GALNT8: variants seen among roughly 807,000 people sequenced by gnomAD.
GALNT8 encodes probable polypeptide N-acetylgalactosaminyltransferase 8.
In GALNT8, 66 loss-of-function variants were observed where a neutral mutation model predicts 62.7. That is an observed-to-expected ratio of 1.05 (90% CI 0.86 to 1.29). The LOEUF is 1.29. Ranked by LOEUF, GALNT8 falls within the 50% of genes most tolerant of loss-of-function variation. GALNT8 has a pLI of 0.00. For synonymous variants in GALNT8, 288 were observed against 294.3 expected (o/e 0.98, Z 0.22); for missense variants, 771 against 791.8 (o/e 0.97, Z 0.32).
Position 4,744,453 on chromosome 12 carries a change from A to G in GALNT8, c.677-64A>G, listed in dbSNP as rs1591568824. 3.4e-6 allele frequency: 4 copies of G among 1,179,812 alleles called. No homozygotes were observed. In the East Asian group the frequency reaches 7.1e-5, roughly 21 times the overall value. 73.1% of individuals were successfully genotyped at this position (1,179,812 alleles called of 1,614,324 possible). A position where few individuals can be genotyped will look rare whatever the true frequency, so the allele number is the denominator to read the frequency against. The stretch of plus-strand genomic sequence containing the variant: ...TCCAGCCACTAATATATGATAGTAT[A>G]AAACTTTTGTATCACGTTGATTGTT... On this transcript the variant is annotated intron_variant, in intron 3 of 10. Transcript: ENST00000252318.
chr12:4,725,331 G>C (rs1039336468), intron 1 of GALNT8, among the ~76,000 whole-genome samples: 1 of 152,174 alleles, frequency 6.6e-6, no homozygotes, highest in Non-Finnish European at 1.5e-5. Context: ...TGACGTCATG[G>C]ATCCTGGAGG....
At chr12:4,736,333 TC>T (rs1279335221) in intron 2 of GALNT8, among the ~76,000 whole-genome samples, 10 of 152,072 alleles carry the variant, frequency 6.6e-5, no homozygotes, top group African/African-American at 2.4e-4. Context: ...ATCATGCACA[TC>T]CCTGGTAATC....
intron 1 of GALNT8, among the ~76,000 whole-genome samples, chr12:4,723,267 G>A (rs1417934144): frequency 1.3e-5 from 2 of 152,156 alleles, no homozygotes; most frequent in East Asian, 1.9e-4. Flanking sequence ...AGAGTGATAC[G>A]GGGCAAGAGA....
Position 4,745,579 on chromosome 12 carries a change from A to G in GALNT8, c.1011A>G (p.Ala337=), listed in dbSNP as rs750840473. Reference sequence around the variant, plus strand: ...GGGAACTCTGGTGCCGCTACGATGCACTGCCACAAGCCTGGATTGATCTGC... The same window carrying G: ...GGGAACTCTGGTGCCGCTACGATGCGCTGCCACAAGCCTGGATTGATCTGC... ...FNWELWCRYD[A]LPQAWIDLHD... The change falls in exon 5 of 11, where the codon GCA becomes GCG. Residue 337 remains alanine (A), a synonymous_variant. Transcript: ENST00000252318. The G allele has an allele frequency of 1.2e-6, 2 of 1,614,124 alleles. No homozygotes were observed. Among genetic ancestry groups the G allele is most frequent in the South Asian group, 1.1e-5 (1 of 91,088 alleles).
intron 10 of GALNT8, among the ~76,000 whole-genome samples, chr12:4,769,890 A>G (rs1004104991): frequency 1.3e-5 from 2 of 152,136 alleles, no homozygotes; most frequent in African/African-American, 2.4e-5. Context: ...AGTATTTTAT[A>G]TACTTTAAAA....
At chr12:4,721,342 G>C (rs979294527) in intron 1 of GALNT8, among the ~76,000 whole-genome samples, 19 of 152,064 alleles carry the variant, frequency 1.2e-4, no homozygotes, top group African/African-American at 4.6e-4. Context: ...AAATAAGGGG[G>C]CCCAGGGGAC....
At chr12:4,740,229 T>C (rs1255341363) in intron 3 of GALNT8, among the ~76,000 whole-genome samples, 4 of 152,188 alleles carry the variant, frequency 2.6e-5, no homozygotes, top group African/African-American at 7.2e-5. Flanking sequence ...AGTCCTCACT[T>C]TCTGAGTTCA....
At chr12:4,721,761 C>T (rs1028634097) in intron 1 of GALNT8, among the ~76,000 whole-genome samples, 7 of 152,144 alleles carry the variant, frequency 4.6e-5, no homozygotes, top group African/African-American at 1.7e-4. Flanking sequence ...TTTACTAATC[C>T]TCCTCAGCAC....
In GALNT8 at chr12:4,772,460, A is replaced by G. The variant is rs1393348248; in HGVS notation, c.1777A>G (p.Asn593Asp). 1.2e-6 allele frequency: 2 copies of G among 1,613,928 alleles called. No homozygotes were observed. The highest frequency in any genetic ancestry group is 1.1e-5 in the South Asian group (1 of 91,062). ...TCCCCTCCAGGGAGGAGCTGTCATA[A>G]ACAGAGATACCAAGCGGTGTCTGGA... ...WDFKPGGAVI[N>D]RDTKRCLEMK... Residue 593 changes from asparagine to aspartate, a missense_variant, in exon 11 of 11, where the codon AAC (asparagine) becomes GAC (aspartate). Asn to Asp is a conservative substitution (Grantham distance 23, BLOSUM62 1). Coordinates refer to ENST00000252318, the MANE Select transcript of GALNT8 (RefSeq NM_017417.2).
Position 4,720,869 on chromosome 12 carries a change from G to T in GALNT8, c.192G>T (p.Glu64Asp). The T allele has an allele frequency of 6.3e-7, 1 of 1,599,050 alleles. No homozygotes were observed. The highest frequency in any genetic ancestry group is 1.1e-5 in the South Asian group (1 of 90,806). Reference protein sequence around the residue: ...GAVIKRLSHLEVELQDLKESM... With the variant: ...GAVIKRLSHLDVELQDLKESM... ...TGATAAAGAGACTCTCCCACTTGGA[G>T]GTGGAATTGCAGGATCTGAGTAAGT... is the stretch of plus-strand genomic sequence containing the variant. Residue 64 changes from glutamate (E) to aspartate (D), a missense_variant, in exon 1 of 11, where the codon GAG (glutamate) becomes GAT (aspartate). Coordinates refer to ENST00000252318, the MANE Select transcript of GALNT8 (RefSeq NM_017417.2).
chr12:4,756,074 G>A (rs894434740), intron 6 of GALNT8, among the ~76,000 whole-genome samples: 3 of 152,220 alleles, frequency 2.0e-5, no homozygotes, highest in Non-Finnish European at 4.4e-5. Context: ...CCCTGAAATG[G>A]TGTGAAGAAT....
chr12:4,737,930 A>C (rs1946252957), intron 2 of GALNT8, among the ~76,000 whole-genome samples: 1 of 152,208 alleles, frequency 6.6e-6, no homozygotes, highest in African/African-American at 2.4e-5. Context: ...GGAGCCAATA[A>C]GTTTCTATTC....
At chr12:4,763,606 A>G (rs12423097) in intron 8 of GALNT8, among the ~76,000 whole-genome samples, 7,035 of 151,812 alleles carry the variant, frequency 0.046, 272 homozygotes, top group East Asian at 0.19. Flanking sequence ...CTTGAAAACT[A>G]TAGCTCTTGC....
At chr12:4,747,026 A>T (rs1946302962) in intron 6 of GALNT8, among the ~76,000 whole-genome samples, 1 of 152,186 alleles carries the variant, frequency 6.6e-6, no homozygotes, top group Non-Finnish European at 1.5e-5. Flanking sequence ...ACAGCTTCCC[A>T]TGCTTGTTTA....
intron 2 of GALNT8, among the ~76,000 whole-genome samples, chr12:4,728,822 CTGTTT>C (rs1292304806): frequency 1.3e-5 from 2 of 152,100 alleles, no homozygotes; most frequent in African/African-American, 2.4e-5. Flanking sequence ...TTTCTCAAGA[CTGTTT>C]TGTCTATTCT....
At chr12:4,748,414 G>C (rs1946309443) in intron 6 of GALNT8, among the ~76,000 whole-genome samples, 1 of 152,156 alleles carries the variant, frequency 6.6e-6, no homozygotes, top group Non-Finnish European at 1.5e-5. Context: ...GAGAGATGCA[G>C]ACCTACTTTC....
chr12:4,722,585 C>T (rs1369851584), intron 1 of GALNT8, among the ~76,000 whole-genome samples: 1 of 152,204 alleles, frequency 6.6e-6, no homozygotes, highest in Non-Finnish European at 1.5e-5. Flanking sequence ...AGTCTAATGC[C>T]TCTGAATTTT....
chr12:4,735,954 A>G (rs933151117), intron 2 of GALNT8, among the ~76,000 whole-genome samples: 2 of 152,244 alleles, frequency 1.3e-5, no homozygotes, highest in African/African-American at 4.8e-5. Context: ...GTCTGAAACA[A>G]CAGAGATCTT....
In GALNT8 at chr12:4,761,100, A is replaced by T; in HGVS notation, c.1316A>T (p.Glu439Val). 1 of 1,614,114 alleles carries T rather than the reference A, an allele frequency of 6.2e-7. No individual in the cohort carries two copies. The highest frequency in any genetic ancestry group is 1.1e-5 in the South Asian group (1 of 91,078). ...ALRVAEIWMDEHKHMVYLAWN... is the reference protein window; with the variant it reads ...ALRVAEIWMDVHKHMVYLAWN... The stretch of plus-strand genomic sequence containing the variant: ...CGAGTGGCCGAAATCTGGATGGATG[A>T]GCACAAACACATGGTCTACTTGGCC... Residue 439 changes from glutamate (E) to valine (V), a missense_variant, in exon 7 of 11, where the codon GAG becomes GTG. Glu to Val is a moderately radical substitution (Grantham distance 121). Coordinates refer to ENST00000252318, the MANE Select transcript of GALNT8 (RefSeq NM_017417.2).
Sources: gnomAD v4.1 joint callset for allele counts (sites outside exome capture counted in the v4.1 genomes callset) on GRCh38, gnomAD v4.1.1 for gene constraint, MANE v1.5 for transcripts, NCBI Gene and HGNC (gene_info 2026-07-23, HGNC 2026-07-21) for gene names.